The following ANK3 variants were observed in gnomAD, a reference collection of about 807,000 sequenced individuals.
The protein encoded by ANK3 is ankyrin 3.
In ANK3, 57 loss-of-function variants were observed where a neutral mutation model predicts 370.9. That is an observed-to-expected ratio of 0.15 (90% CI 0.12 to 0.19). ANK3 has a LOEUF of 0.19. Among genes scored for constraint, ANK3 ranks in the 10% least tolerant of loss-of-function variants. The pLI is 1.00. For missense variants in ANK3, 4,439 were observed against 5,302.1 expected (o/e 0.84, Z 5.06); for synonymous variants, 1,929 against 1,946.3 (o/e 0.99, Z 0.23).
chr10:60,243,407 G>A (rs1033041991), intron 7 of ANK3, among the ~76,000 whole-genome samples: 5 of 152,148 alleles, frequency 3.3e-5, no homozygotes, highest in Non-Finnish European at 7.4e-5. Flanking sequence ...TTTATAAGAA[G>A]AGGAGAAAGA....
At chr10:60,566,799 C>T (rs2133258719) in intron 2 of ANK3, among the ~76,000 whole-genome samples, 1 of 152,244 alleles carries the variant, frequency 6.6e-6, no homozygotes, top group South Asian at 2.1e-4. Flanking sequence ...TGCTGGAACC[C>T]AGGAGTTTGA....
At chr10:60,490,887 A>G (rs1256829895) in intron 2 of ANK3, among the ~76,000 whole-genome samples, 1 of 152,200 alleles carries the variant, frequency 6.6e-6, no homozygotes, top group Non-Finnish European at 1.5e-5. Flanking sequence ...AACAAAATAT[A>G]GAGCATCTCC....
At chr10:60,538,172 G>A (rs532881053) in intron 2 of ANK3, among the ~76,000 whole-genome samples, 1 of 151,942 alleles carries the variant, frequency 6.6e-6, no homozygotes, top group East Asian at 1.9e-4. Context: ...TTTAGAAGTA[G>A]AGAAGATATT....
At chr10:60,447,002 T>C (rs145786829) in intron 2 of ANK3, among the ~76,000 whole-genome samples, 206 of 152,234 alleles carry the variant, frequency 1.4e-3, no homozygotes, top group Non-Finnish European at 2.5e-3. Flanking sequence ...CAGACCTTCA[T>C]GGGTTAGCGA....
chr10:60,299,911 C>A (rs974794054), intron 1 of ANK3, among the ~76,000 whole-genome samples: 1 of 152,156 alleles, frequency 6.6e-6, no homozygotes, highest in African/African-American at 2.4e-5. Context: ...CATATTGCCC[C>A]TTGTAATTAA....
rs138990595 is a variant in ANK3 at position 60,423,290 on chromosome 10, C to T, written c.97-143651G>A. ...TCTGCACATCACCTTCCTTTATTGA[C>T]AATCATTGATTTTTAAATAAAAGAA... On this transcript the variant is annotated intron_variant, in intron 2 of 43. Coordinates refer to the ANK3 transcript ENST00000373827. 2.0e-4 allele frequency among the ~76,000 whole-genome samples: 30 copies of T among 151,722 alleles called. No homozygotes were observed. The East Asian group carries it at 5.4e-3, about 27-fold the overall frequency.
At position 60,076,266 on chromosome 10, in the gene ANK3, A is replaced by G. The variant is rs1366459890; in HGVS notation, c.4615T>C (p.Ser1539Pro). ...SNTPSASPLK[S>P]IWSVSTPSPI... is the part of the protein sequence containing the mutation. Reference sequence around the variant, plus strand: ...GAAGGTGTCGAAACAGACCATATTGATTTTAACGGAGAAGCTGATGGCGTA... The same window carrying G: ...GAAGGTGTCGAAACAGACCATATTGGTTTTAACGGAGAAGCTGATGGCGTA... The change falls in exon 37 of 44, where the codon TCA becomes CCA. Residue 1539 changes from serine (S) to proline (P), a missense_variant. Transcript: ENST00000280772. The G allele has an allele frequency of 6.2e-7, 1 of 1,614,156 alleles. No homozygotes were observed. Among genetic ancestry groups the G allele is most frequent in the South Asian group, 1.1e-5 (1 of 91,088 alleles).
intron 2 of ANK3, among the ~76,000 whole-genome samples, chr10:60,408,749 A>G (rs112714639): frequency 0.013 from 1,974 of 152,240 alleles, 51 homozygotes; most frequent in African/African-American, 0.045. Context: ...GAGTGCATAC[A>G]CAGAAAACGC....
intron 6 of ANK3, among the ~76,000 whole-genome samples, chr10:60,262,743 G>GT (rs756858791): frequency 6.6e-6 from 1 of 152,178 alleles, no homozygotes; most frequent in Non-Finnish European, 1.5e-5. Flanking sequence ...ACCACAGAGG[G>GT]TAAGTGTCAT....
chr10:60,311,380 C>A (rs1315731684), intron 1 of ANK3, among the ~76,000 whole-genome samples: 1 of 151,714 alleles, frequency 6.6e-6, no homozygotes, highest in Non-Finnish European at 1.5e-5. Context: ...GAAATGTAAC[C>A]CTACTTTGCT....
chr10:60,472,140 T>C (rs966221451), intron 2 of ANK3, among the ~76,000 whole-genome samples: 6 of 152,110 alleles, frequency 3.9e-5, no homozygotes, highest in African/African-American at 1.4e-4. Flanking sequence ...GAAATAAAGA[T>C]TTTCAGAAGT....
At chr10:60,470,785 A>G (rs903280082) in intron 2 of ANK3, among the ~76,000 whole-genome samples, 3 of 152,170 alleles carry the variant, frequency 2.0e-5, no homozygotes, top group Non-Finnish European at 4.4e-5. Context: ...TCTAATAAAG[A>G]AGCCAAAGAA....
intron 1 of ANK3, among the ~76,000 whole-genome samples, chr10:60,377,138 T>G (rs1233281070): frequency 6.6e-6 from 1 of 152,132 alleles, no homozygotes; most frequent in Non-Finnish European, 1.5e-5. Flanking sequence ...CGGGGTGCAG[T>G]GGCCAAGCCA....
chr10:60,246,503 T>C (rs16914644), intron 7 of ANK3, among the ~76,000 whole-genome samples: 20,105 of 152,174 alleles, frequency 0.13, 1,575 homozygotes, highest in East Asian at 0.28. Flanking sequence ...AAGATACTGA[T>C]GCCAATGACA....
chr10:60,224,001 T>A (rs1005127973), intron 8 of ANK3, among the ~76,000 whole-genome samples: 8 of 151,962 alleles, frequency 5.3e-5, no homozygotes, highest in Non-Finnish European at 1.2e-4. Flanking sequence ...TAGAAATGTA[T>A]AATTAATGAA....
chr10:60,219,246 G>GT lies in ANK3; in HGVS notation c.898-5737dup, dbSNP rs558224674. ...GAACATGCTCCTTTAGCTCAGTGTAGTTTTTTATTACCCATCTTCTGAAGC... is the reference window on the plus strand; with the variant it reads ...GAACATGCTCCTTTAGCTCAGTGTAGTTTTTTTATTACCCATCTTCTGAAGC... On this transcript the variant is annotated intron_variant, in intron 8 of 43. Coordinates refer to ENST00000280772, the MANE Select transcript of ANK3 (RefSeq NM_020987.5). Among the ~76,000 whole-genome samples the GT allele has an allele frequency of 4.5e-3, 677 of 152,046 alleles. 2 individuals are homozygous for GT. The highest frequency in any genetic ancestry group is 6.8e-3 in the Non-Finnish European group (465 of 67,982).
At chr10:60,603,459 T>C (rs540683803) in intron 2 of ANK3, among the ~76,000 whole-genome samples, 1 of 152,210 alleles carries the variant, frequency 6.6e-6, no homozygotes, top group South Asian at 2.1e-4. Context: ...GAGGGAGAAA[T>C]GCAAATTATA....
chr10:60,196,374 C>T (rs2096585510), intron 15 of ANK3, 131 bp from the exon 16 acceptor site: 3 of 945,176 alleles, frequency 3.2e-6, no homozygotes, highest in South Asian at 3.2e-5. Flanking sequence ...AGTACTTGGA[C>T]CCCAGCATTT....
At chr10:60,490,956 G>A (rs79570096) in intron 2 of ANK3, among the ~76,000 whole-genome samples, 1 of 152,248 alleles carries the variant, frequency 6.6e-6, no homozygotes, top group Admixed American at 6.5e-5. Flanking sequence ...ACATGCTCAG[G>A]CCACCACTGA....
Sources: allele counts gnomAD v4.1 joint callset (sites outside exome capture counted in the v4.1 genomes callset), GRCh38; gene constraint gnomAD v4.1.1; transcripts MANE v1.5; gene names NCBI Gene and HGNC (gene_info 2026-07-23, HGNC 2026-07-21).